MITF: variants seen among roughly 807,000 people sequenced by gnomAD.
MITF encodes microphthalmia-associated transcription factor.
Under a neutral mutation model 60.5 loss-of-function variants are expected in MITF, and 17 were observed. The ratio of observed to expected loss-of-function variants is 0.28; its 90% CI spans 0.19 to 0.42. MITF has a LOEUF of 0.42. Among genes scored for constraint, MITF ranks in the 10% least tolerant of loss-of-function variants. The probability of loss-of-function intolerance (pLI) is 1.00; values close to 1 mark genes in which losing one functional copy is unlikely to be tolerated. For synonymous variants in MITF, 260 were observed against 248.5 expected (o/e 1.05, Z -0.43); for missense variants, 622 against 683.5 (o/e 0.91, Z 1.00).
intron 1 of MITF, among the ~76,000 whole-genome samples, chr3:69,868,388 ATGCT>A (rs1486807557): frequency 6.6e-6 from 1 of 152,168 alleles, no homozygotes; most frequent in African/African-American, 2.4e-5. Context: ...CCAGGGCTTA[ATGCT>A]ATTATCTGTT....
chr3:69,778,501 C>T (rs2062511483), intron 1 of MITF, among the ~76,000 whole-genome samples: 1 of 152,154 alleles, frequency 6.6e-6, no homozygotes, highest in Non-Finnish European at 1.5e-5. Flanking sequence ...TTTAGTGGCT[C>T]CATGATGTCA....
intron 1 of MITF, among the ~76,000 whole-genome samples, chr3:69,779,217 G>A (rs2106868525): frequency 6.6e-6 from 1 of 152,310 alleles, no homozygotes; most frequent in African/African-American, 2.4e-5. Flanking sequence ...ATCTCAAGGT[G>A]TACCCCGATG....
chr3:69,876,405 TC>T (rs577153094), intron 1 of MITF, among the ~76,000 whole-genome samples: 1 of 151,778 alleles, frequency 6.6e-6, no homozygotes, highest in South Asian at 2.1e-4. Context: ...AAATAACTGT[TC>T]CCCCCGCGCT....
chr3:69,925,952 T>C (rs2065576497), intron 2 of MITF, among the ~76,000 whole-genome samples: 1 of 152,200 alleles, frequency 6.6e-6, no homozygotes, highest in South Asian at 2.1e-4. Context: ...TCTGTGTTTG[T>C]CTCTGCTTCC....
intron 9 of MITF, among the ~76,000 whole-genome samples, 166 bp downstream of exon 9, chr3:69,959,586 A>G (rs1195209391): frequency 2.0e-5 from 3 of 152,104 alleles, no homozygotes; most frequent in African/African-American, 4.8e-5. Flanking sequence ...TGTAACCCCA[A>G]AGTCAGTATC....
intron 1 of MITF, among the ~76,000 whole-genome samples, chr3:69,791,006 A>G (rs1362304272): frequency 6.6e-6 from 1 of 152,194 alleles, no homozygotes; most frequent in Admixed American, 6.5e-5. Flanking sequence ...CTTTTTAGAG[A>G]CACTAATTTC....
At chr3:69,792,904 A>G (rs1019194157) in intron 1 of MITF, among the ~76,000 whole-genome samples, 1 of 150,598 alleles carries the variant, frequency 6.6e-6, no homozygotes, top group Non-Finnish European at 1.5e-5. Context: ...TTTACCCTGT[A>G]TAATATTTGA....
intron 1 of MITF, among the ~76,000 whole-genome samples, chr3:69,875,646 G>A (rs376244812): frequency 3.9e-5 from 6 of 152,272 alleles, no homozygotes; most frequent in African/African-American, 1.2e-4. Context: ...TCACGTCCTC[G>A]TTTTAAAAAA....
At chr3:69,816,881 G>GA (rs1194091813) in intron 1 of MITF, among the ~76,000 whole-genome samples, 2 of 152,166 alleles carry the variant, frequency 1.3e-5, no homozygotes, top group East Asian at 1.9e-4. Flanking sequence ...ATGTTACATA[G>GA]AAAAAAATGC....
At chr3:69,855,113 C>T (rs2063893350) in intron 1 of MITF, among the ~76,000 whole-genome samples, 1 of 151,818 alleles carries the variant, frequency 6.6e-6, no homozygotes, top group African/African-American at 2.4e-5. Flanking sequence ...CCAGGGACTA[C>T]TTTTCTGCTC....
chr3:69,773,344 C>T (rs2062422376), intron 1 of MITF, among the ~76,000 whole-genome samples: 1 of 152,102 alleles, frequency 6.6e-6, no homozygotes, highest in Non-Finnish European at 1.5e-5. Flanking sequence ...GCCTTTTACT[C>T]ATTAAAAATT....
In MITF at chr3:69,747,470, C is replaced by G. The variant is rs1703768464; in HGVS notation, c.104+7769C>G. 2.6e-5 allele frequency among the ~76,000 whole-genome samples: 4 copies of G among 152,196 alleles called. No individual in the cohort carries two copies. The South Asian group carries it at 6.2e-4, about 24-fold the overall frequency. On this transcript the variant is annotated intron_variant, in intron 1 of 9. Transcript: ENST00000352241. ...TCCAACCTTTCTGAACTCTAATTCT[C>G]TCTTCTGTAAAACGGGACAGTTGCC...
chr3:69,844,299 G>T (rs2063692409), intron 1 of MITF, among the ~76,000 whole-genome samples: 1 of 152,068 alleles, frequency 6.6e-6, no homozygotes, highest in African/African-American at 2.4e-5. Context: ...CAAAACAGAG[G>T]CCTCAGAAAT....
chr3:69,841,842 T>C (rs558042762), intron 1 of MITF, among the ~76,000 whole-genome samples: 76 of 152,292 alleles, frequency 5.0e-4, no homozygotes, highest in African/African-American at 8.9e-4. Flanking sequence ...TGGTGTTATA[T>C]GTACGAAGAA....
rs2066175655 is a variant in MITF at position 69,949,107 on chromosome 3, A to C, written c.819A>C (p.Pro273=). ...ATGGAAACCAAGGTCTGCCCCCACC[A>C]GGCCTCACCATCAGCAACTCCTGTC... ...DLYGNQGLPP[P]GLTISNSCPA... is the part of the protein sequence containing the mutation. The change falls in exon 6 of 10, where the codon CCA becomes CCC. Residue 273 remains proline, a synonymous_variant. Transcript: ENST00000352241. The C allele has an allele frequency of 6.2e-7, 1 of 1,613,662 alleles. No individual in the cohort carries two copies.
intron 1 of MITF, among the ~76,000 whole-genome samples, chr3:69,740,831 G>T (rs540547607): frequency 7.9e-5 from 12 of 152,294 alleles, no homozygotes; most frequent in South Asian, 2.1e-4. Flanking sequence ...GGGTGAATGG[G>T]CCTGGCTGGC....
intron 2 of MITF, among the ~76,000 whole-genome samples, chr3:69,929,262 C>A (rs1396521598): frequency 6.6e-6 from 1 of 152,186 alleles, no homozygotes; most frequent in Admixed American, 6.5e-5. Flanking sequence ...GTGTGCCAAG[C>A]TGTGTTCTGG....
At chr3:69,803,845 C>A (rs2062961665) in intron 1 of MITF, among the ~76,000 whole-genome samples, 1 of 150,582 alleles carries the variant, frequency 6.6e-6, no homozygotes, top group South Asian at 2.1e-4. Context: ...TTAAATTAAC[C>A]ACAAATTTTC....
chr3:69,848,330 G>C (rs773299434), intron 1 of MITF, among the ~76,000 whole-genome samples: 4 of 152,204 alleles, frequency 2.6e-5, no homozygotes, highest in Non-Finnish European at 4.4e-5. Flanking sequence ...TATTTTTCCA[G>C]AGCTGACTCT....
Sources: gnomAD v4.1 joint callset for allele counts (sites outside exome capture counted in the v4.1 genomes callset) on GRCh38, gnomAD v4.1.1 for gene constraint, MANE v1.5 for transcripts, NCBI Gene and HGNC (gene_info 2026-07-23, HGNC 2026-07-21) for gene names.